EGFR: variants seen among roughly 807,000 people sequenced by gnomAD.
EGFR encodes the protein avian erythroblastic leukemia viral (v-erb-b) oncogene homolog.
EGFR carries 58 observed loss-of-function variants against 143.0 expected under a neutral mutation model. The observed-to-expected ratio is 0.41, with a 90% CI of 0.33 to 0.50. The LOEUF is 0.50. EGFR is among the 20% of genes least tolerant of loss of function. The pLI, the probability that EGFR is intolerant of heterozygous loss-of-function variation, is 0.39. For missense variants in EGFR, 1,307 were observed against 1,579.0 expected, an observed-to-expected ratio of 0.83 and a Z score of 2.92; for synonymous variants, 613 against 594.4, an observed-to-expected ratio of 1.03 and a Z score of -0.45.
intron 1 of EGFR, among the ~76,000 whole-genome samples, chr7:55,077,481 CT>C (rs1405583324): frequency 1.3e-5 from 2 of 152,176 alleles, no homozygotes; most frequent in Admixed American, 1.3e-4. Context: ...ATGTGTCCTC[CT>C]TTTTTTCTCT....
chr7:55,062,315 G>A (rs1273590209), intron 1 of EGFR, among the ~76,000 whole-genome samples: 3 of 152,178 alleles, frequency 2.0e-5, no homozygotes, highest in African/African-American at 7.2e-5. Context: ...CTGTGTTGGA[G>A]GCAGGAGTGT....
At chr7:55,040,086 G>A (rs6954838) in intron 1 of EGFR, among the ~76,000 whole-genome samples, 2 of 152,152 alleles carry the variant, frequency 1.3e-5, no homozygotes, top group Non-Finnish European at 2.9e-5. Flanking sequence ...CTGTGGATTA[G>A]GATCAGACAG....
intron 24 of EGFR, among the ~76,000 whole-genome samples, chr7:55,200,967 G>A (rs1195319722): frequency 1.3e-5 from 2 of 152,142 alleles, no homozygotes; most frequent in African/African-American, 2.4e-5. Context: ...TCTCATGTAG[G>A]GGCTTTCAAG....
chr7:55,069,558 G>A (rs1260903127), intron 1 of EGFR, among the ~76,000 whole-genome samples: 4 of 152,130 alleles, frequency 2.6e-5, no homozygotes, highest in African/African-American at 2.4e-5. Context: ...AACCCAGCAC[G>A]TACTTTACCC....
At chr7:55,027,991 A>ATATATATATATATAT (rs1554311535) in intron 1 of EGFR, among the ~76,000 whole-genome samples, 13 of 54,974 alleles carry the variant, frequency 2.4e-4, no homozygotes, top group South Asian at 8.6e-4. Context: ...AAAAAAAAAA[A>ATATATATATATATAT]ATATATATAT....
At chr7:55,181,784 G>C (rs891656327) in intron 20 of EGFR, 2 of 440,940 alleles carry the variant, frequency 4.5e-6, no homozygotes, top group Non-Finnish European at 8.5e-6. Context: ...GAATACTGTG[G>C]TGATTTGTAG....
chr7:55,149,842 T>C (rs1794942322), intron 4 of EGFR, among the ~76,000 whole-genome samples: 1 of 152,242 alleles, frequency 6.6e-6, no homozygotes, highest in Admixed American at 6.5e-5. Context: ...TTGATAATCA[T>C]GTTAGATAGA....
intron 1 of EGFR, among the ~76,000 whole-genome samples, chr7:55,063,376 T>C (rs190015678): frequency 1.3e-5 from 2 of 152,290 alleles, no homozygotes; most frequent in Non-Finnish European, 2.9e-5. Flanking sequence ...TCGAACCACA[T>C]GTGCTGATGT....
At chr7:55,187,002 T>C (rs1787167633) in intron 20 of EGFR, among the ~76,000 whole-genome samples, 1 of 152,160 alleles carries the variant, frequency 6.6e-6, no homozygotes, top group African/African-American at 2.4e-5. Flanking sequence ...GACAGGTCCT[T>C]TCCCTGTCCA....
At chr7:55,138,381 A>G (rs1344286139) in intron 1 of EGFR, among the ~76,000 whole-genome samples, 2 of 152,234 alleles carry the variant, frequency 1.3e-5, no homozygotes, top group Non-Finnish European at 2.9e-5. Flanking sequence ...ATAGACTTAA[A>G]GTAATATCAA....
intron 1 of EGFR, among the ~76,000 whole-genome samples, chr7:55,055,279 C>T (rs544601643): frequency 2.7e-4 from 41 of 152,312 alleles, no homozygotes; most frequent in Admixed American, 1.2e-3. Flanking sequence ...AAAATCTTAA[C>T]TCTTGGTCCA....
At chr7:55,169,050 G>A (rs1250361188) in intron 15 of EGFR, among the ~76,000 whole-genome samples, 4 of 151,964 alleles carry the variant, frequency 2.6e-5, no homozygotes, top group African/African-American at 7.3e-5. Context: ...CTTCCAACCG[G>A]GCAGGTGCAG....
At chr7:55,116,936 C>T (rs1792890854) in intron 1 of EGFR, among the ~76,000 whole-genome samples, 1 of 152,160 alleles carries the variant, frequency 6.6e-6, no homozygotes, top group African/African-American at 2.4e-5. Flanking sequence ...TCTTTTCTTG[C>T]AGTTACAAGT....
rs559931711 is a variant in EGFR, at chr7:55,143,984, C to T, written c.424+496C>T. Among the ~76,000 whole-genome samples the T allele has an allele frequency of 2.0e-5, 3 of 152,202 alleles. No individual in the cohort carries two copies. In the East Asian group the frequency reaches 5.8e-4, roughly 29 times the overall value. On this transcript the variant is annotated intron_variant, in intron 3 of 27. Coordinates refer to ENST00000275493, the MANE Select transcript of EGFR (RefSeq NM_005228.5). ...TTCTAGAACTTTGAATTTTTGTGAG[C>T]AGGACTCGTGAGGTTCCTGTGAGAG...
intron 1 of EGFR, among the ~76,000 whole-genome samples, chr7:55,054,404 GAA>G (rs1328644094): frequency 6.6e-6 from 1 of 152,242 alleles, no homozygotes; most frequent in Admixed American, 6.5e-5. Context: ...AACACAGCGG[GAA>G]AAGCTATTTG....
chr7:55,173,266 T>G (rs376200348), intron 17 of EGFR, 142 bp downstream of exon 17: 2 of 1,265,944 alleles, frequency 1.6e-6, no homozygotes, highest in African/African-American at 3.0e-5. Flanking sequence ...GAATGTGCAG[T>G]TATACCCAGT....
rs535830188 is a variant in EGFR, at chr7:55,106,257, C to T, written c.89-36029C>T. 2.0e-5 allele frequency among the ~76,000 whole-genome samples: 3 copies of T among 152,342 alleles called. No homozygotes were observed. In the East Asian group the frequency reaches 5.8e-4, roughly 29 times the overall value. On this transcript the variant is annotated intron_variant, in intron 1 of 27. Transcript: ENST00000275493. The stretch of plus-strand genomic sequence containing the variant: ...GTCAGGTACGCACACGCTCACTGCT[C>T]CCCCAGCAGTACGTTGAACAGTGTG...
intron 1 of EGFR, among the ~76,000 whole-genome samples, chr7:55,131,849 A>G (rs1391311920): frequency 6.6e-6 from 1 of 151,852 alleles, no homozygotes; most frequent in Non-Finnish European, 1.5e-5. Flanking sequence ...AACAGCTGTC[A>G]TGGAACAGTG....
chr7:55,127,974 G>A (rs577697416), intron 1 of EGFR, among the ~76,000 whole-genome samples: 2 of 152,326 alleles, frequency 1.3e-5, no homozygotes, highest in Admixed American at 1.3e-4. Flanking sequence ...TGTTCTGTCA[G>A]ATTGAATGGG....
Sources: allele counts gnomAD v4.1 joint callset (sites outside exome capture counted in the v4.1 genomes callset), GRCh38; gene constraint gnomAD v4.1.1; transcripts MANE v1.5; gene names NCBI Gene and HGNC (gene_info 2026-07-23, HGNC 2026-07-21).